PLOD1: variants seen among roughly 807,000 people sequenced by gnomAD.
The protein encoded by PLOD1 is procollagen-lysine,2-oxoglutarate 5-dioxygenase 1.
PLOD1 carries 70 observed loss-of-function variants against 94.7 expected under a neutral mutation model. The observed-to-expected ratio is 0.74, with a 90% CI of 0.61 to 0.90. PLOD1 has a LOEUF of 0.90. Among genes scored for constraint, PLOD1 ranks in the 40% least tolerant of loss-of-function variants. The pLI is 0.00. For synonymous variants in PLOD1, 417 were observed against 400.2 expected (o/e 1.04, Z -0.50); for missense variants, 905 against 972.7 (o/e 0.93, Z 0.93).
intron 9 of PLOD1, 25 bp from the exon 10 acceptor site, chr1:11,960,615 CCCGCAT>C: frequency 1.4e-6 from 2 of 1,463,546 alleles, no homozygotes; most frequent in Non-Finnish European, 1.9e-6. Flanking sequence ...CCTCCTCACC[CCCGCAT>C]CCCCTTCCCC....
intron 1 of PLOD1, among the ~76,000 whole-genome samples, chr1:11,938,839 T>A (rs572950067): frequency 6.6e-6 from 1 of 152,104 alleles, no homozygotes; most frequent in East Asian, 1.9e-4. Context: ...ACAGAGCACC[T>A]CACTTCAGTA....
Position 11,970,699 on chromosome 1 carries a change from C to A in PLOD1, c.1785C>A (p.Asn595Lys), listed in dbSNP as rs771350321. ...ACCGCATCCAGGGTGGCTACGAGAACGTGCCGACTATTGACATCCACATGA... is the reference window on the plus strand; with the variant it reads ...ACCGCATCCAGGGTGGCTACGAGAAAGTGCCGACTATTGACATCCACATGA... ...KDNRIQGGYE[N>K]VPTIDIHMNQ... The change falls in exon 17 of 19, where the codon AAC (asparagine) becomes AAA (lysine). Residue 595 changes from asparagine to lysine, a missense_variant. By Grantham distance (94) the Asn-to-Lys change is moderately conservative. Coordinates refer to ENST00000196061, the MANE Select transcript of PLOD1 (RefSeq NM_000302.4). The A allele has an allele frequency of 1.9e-6, 3 of 1,613,172 alleles. No individual in the cohort carries two copies. The highest frequency in any genetic ancestry group is 2.5e-6 in the Non-Finnish European group (3 of 1,179,930).
intron 18 of PLOD1, 75 bp downstream of exon 18, chr1:11,973,072 T>G (rs1569742917): frequency 6.3e-7 from 1 of 1,580,234 alleles, no homozygotes; most frequent in South Asian, 1.1e-5. Context: ...GGCTTCAGGG[T>G]GGTTGAGGCA....
At chr1:11,973,782 A>G (rs1188475476) in intron 18 of PLOD1, among the ~76,000 whole-genome samples, 1 of 151,822 alleles carries the variant, frequency 6.6e-6, no homozygotes, top group East Asian at 1.9e-4. Context: ...GGGTTTCACT[A>G]TGTTGCCCAG....
chr1:11,942,463 G>C (rs564731697), intron 1 of PLOD1, among the ~76,000 whole-genome samples: 1 of 152,212 alleles, frequency 6.6e-6, no homozygotes, highest in Non-Finnish European at 1.5e-5. Flanking sequence ...AAGACTGCAC[G>C]TGCAAAGGAG....
chr1:11,960,603 C>G, intron 9 of PLOD1, 43 bp from the exon 10 acceptor site: 1 of 1,389,364 alleles, frequency 7.2e-7, no homozygotes, highest in Non-Finnish European at 1.0e-6. Flanking sequence ...AAGCTGTGTC[C>G]TCCTCCTCAC....
At chr1:11,965,393 T>G in intron 13 of PLOD1, 87 bp from the exon 14 acceptor site, 1 of 798,678 alleles carries the variant, frequency 1.3e-6, no homozygotes, top group South Asian at 1.4e-5. Flanking sequence ...GAGGCTGCAC[T>G]GTTGCCCGTC....
intron 9 of PLOD1, among the ~76,000 whole-genome samples, chr1:11,959,161 C>T (rs1055355776): frequency 4.6e-5 from 7 of 151,638 alleles, no homozygotes; most frequent in African/African-American, 1.2e-4. Flanking sequence ...GCCGAGATTG[C>T]GCCATTGCAC....
Position 11,972,663 on chromosome 1 carries a change from C to G in PLOD1, c.1903-209C>G. The G allele has an allele frequency of 1.8e-6, 1 of 553,428 alleles. No individual in the cohort carries two copies. Among genetic ancestry groups the G allele is most frequent in the Non-Finnish European group, 3.3e-6 (1 of 303,562 alleles). 34.3% of individuals were successfully genotyped at this position (553,428 alleles called of 1,614,324 possible). On this transcript the variant is annotated intron_variant, in intron 17 of 18. Coordinates refer to ENST00000196061, the MANE Select transcript of PLOD1 (RefSeq NM_000302.4). The surrounding 1 kb of genome is among the most constrained non-coding windows in gnomAD (Gnocchi z 4.6). ...CCCCTCTGTTCTCTTCCTTCCCTCC[C>G]TCTCTCCCCTCTGTCCATACATTTT...
At chr1:11,941,730 C>T (rs986171372) in intron 1 of PLOD1, among the ~76,000 whole-genome samples, 3 of 152,052 alleles carry the variant, frequency 2.0e-5, no homozygotes, top group Non-Finnish European at 4.4e-5. Context: ...GTGATCCGCC[C>T]GCCTAGGCCT....
At position 11,974,850 on chromosome 1, in the gene PLOD1, C is replaced by T. The variant is rs1298850056; in HGVS notation, c.*42C>T. On this transcript the variant is annotated 3_prime_UTR_variant, in exon 19 of 19. Coordinates refer to ENST00000196061, the MANE Select transcript of PLOD1 (RefSeq NM_000302.4). ...CTCTTGGACCTTTCTTCTTTGCCGA[C>T]AACCACTGCCCAGCAGCCTCTGGGA... 19 of 1,606,538 alleles carry T rather than the reference C, an allele frequency of 1.2e-5. No individual in the cohort carries two copies. Among genetic ancestry groups the T allele is most frequent in the Non-Finnish European group, 1.4e-5 (17 of 1,173,274 alleles).
In PLOD1 at chr1:11,963,582, C is replaced by T; in HGVS notation, c.1148C>T (p.Ala383Val). Residue 383 changes from alanine (A) to valine (V), a missense_variant, in exon 11 of 19, where the codon GCT becomes GTT. Ala to Val is a moderately conservative substitution (Grantham distance 64). Transcript: ENST00000196061. The surrounding 1 kb of genome is among the most constrained non-coding windows in gnomAD (Gnocchi z 4.3). ...TGCACCTACTACTTCAGCGTGGATG[C>T]TGACGTGGCCCTGACCGAGCCCAAC... ...RSCTYYFSVDADVALTEPNSL... is the reference protein window; with the variant it reads ...RSCTYYFSVDVDVALTEPNSL... 1 of 1,604,962 alleles carries T rather than the reference C, an allele frequency of 6.2e-7. No homozygotes were observed. The highest frequency in any genetic ancestry group is 8.5e-7 in the Non-Finnish European group (1 of 1,176,518).
At chr1:11,966,783 G>A (rs537496623) in intron 15 of PLOD1, among the ~76,000 whole-genome samples, 22 of 152,222 alleles carry the variant, frequency 1.4e-4, no homozygotes, top group Admixed American at 2.6e-4. Context: ...TGACCTTGGC[G>A]CTGGTAGCTC....
chr1:11,974,792 CCTT>C lies in PLOD1; in HGVS notation c.2170_2172del (p.Phe724del), dbSNP rs1310692062. On this transcript the variant is annotated inframe_deletion, in exon 19 of 19. Transcript: ENST00000196061. ...AGGGGCACCCGCTACATCGCAGTCT[CCTT>C]CGTCGATCCCTAATTGGCCAGGCCT... 1.2e-6 allele frequency: 2 copies of C among 1,614,206 alleles called. No homozygotes were observed. Among genetic ancestry groups the C allele is most frequent in the Non-Finnish European group, 8.5e-7 (1 of 1,180,040 alleles).
chr1:11,966,116 A>G, intron 14 of PLOD1, 135 bp from the exon 15 acceptor site: 1 of 723,778 alleles, frequency 1.4e-6, no homozygotes, highest in Non-Finnish European at 2.5e-6. Flanking sequence ...ACACACACGC[A>G]CCCAGTGGGT....
chr1:11,945,517 T>C lies in PLOD1; in HGVS notation c.77-2459T>C, dbSNP rs566143832. 3.6e-3 allele frequency among the ~76,000 whole-genome samples: 550 copies of C among 151,504 alleles called. 1 individual carries two copies. The highest frequency in any genetic ancestry group is 6.2e-3 in the Non-Finnish European group (421 of 67,872). On this transcript the variant is annotated intron_variant, in intron 1 of 18. Transcript: ENST00000196061. ...GGAGGTCCCTTGCATGGGAGGTCCC[T>C]TGCATGGTCCCTTGCATGATCCCTT...
chr1:11,964,886 G>A, intron 13 of PLOD1, 101 bp downstream of exon 13: 1 of 1,282,472 alleles, frequency 7.8e-7, no homozygotes, highest in Non-Finnish European at 1.1e-6. Flanking sequence ...TGTCACCGTA[G>A]GCCTGGGAGC....
At chr1:11,962,263 A>ATTTTTTT (rs113190580) in intron 10 of PLOD1, among the ~76,000 whole-genome samples, 1 of 103,126 alleles carries the variant, frequency 9.7e-6, no homozygotes, top group African/African-American at 3.7e-5. Context: ...TCTTCTTTTG[A>ATTTTTTT]TTTTTGTTTT....
intron 16 of PLOD1, 91 bp from the exon 17 acceptor site, chr1:11,970,579 G>C: frequency 1.0e-5 from 12 of 1,199,550 alleles, no homozygotes; most frequent in Non-Finnish European, 1.5e-5. Flanking sequence ...AATGTGGTCC[G>C]GTCACATTCC....
Sources: allele counts gnomAD v4.1 joint callset (sites outside exome capture counted in the v4.1 genomes callset), GRCh38; gene constraint gnomAD v4.1.1; non-coding constraint Gnocchi (gnomAD v3.1); transcripts MANE v1.5; gene names NCBI Gene and HGNC (gene_info 2026-07-23, HGNC 2026-07-21).